XKR4: variants seen among roughly 807,000 people sequenced by gnomAD.
XKR4 encodes the protein XK-related protein 4.
Under a neutral mutation model 53.9 loss-of-function variants are expected in XKR4, and 12 were observed. The ratio of observed to expected loss-of-function variants is 0.22; its 90% CI spans 0.14 to 0.36. The LOEUF (loss-of-function observed/expected upper bound fraction) is 0.36. XKR4 is among the 10% of genes least tolerant of loss of function. The probability of loss-of-function intolerance (pLI) is 1.00; values close to 1 mark genes in which losing one functional copy is unlikely to be tolerated. For missense variants in XKR4, 799 were observed against 859.5 expected, an observed-to-expected ratio of 0.93 and a Z score of 0.88; for synonymous variants, 354 against 362.4, an observed-to-expected ratio of 0.98 and a Z score of 0.26.
intron 1 of XKR4, among the ~76,000 whole-genome samples, chr8:55,216,597 C>T (rs1442884563): frequency 6.6e-6 from 1 of 151,872 alleles, no homozygotes; most frequent in Non-Finnish European, 1.5e-5. Flanking sequence ...TGTGGTGGCA[C>T]ATGCCTGTAA....
At chr8:55,216,553 C>T (rs946962796) in intron 1 of XKR4, among the ~76,000 whole-genome samples, 1 of 151,914 alleles carries the variant, frequency 6.6e-6, no homozygotes. Flanking sequence ...CATGGAGAAA[C>T]CCCATCTCTA....
Position 55,102,737 on chromosome 8 carries a change from C to T in XKR4, c.249C>T (p.Val83=). Residue 83 remains valine, a synonymous_variant, in exon 1 of 3, where the codon GTC becomes GTT. Coordinates refer to ENST00000327381, the MANE Select transcript of XKR4 (RefSeq NM_052898.2). The surrounding 1 kb of genome is among the most constrained non-coding windows in gnomAD (Gnocchi z 5.1). ...GSAGSGGSGG[V]AGPGGGGAGS... Reference sequence around the variant, plus strand: ...CGGGCTCGGGCGGCTCCGGCGGCGTCGCCGGCCCGGGCGGCGGCGGGGCGG... The same window carrying T: ...CGGGCTCGGGCGGCTCCGGCGGCGTTGCCGGCCCGGGCGGCGGCGGGGCGG... 1 of 1,192,854 alleles carries T rather than the reference C, an allele frequency of 8.4e-7. No individual in the cohort carries two copies. Among genetic ancestry groups the T allele is most frequent in the East Asian group, 3.5e-5 (1 of 28,338 alleles). The allele number at this position is 1,192,854 out of a possible 1,614,324, so 73.9% of individuals were successfully genotyped here. A position where few individuals can be genotyped will look rare whatever the true frequency, so the allele number is the denominator to read the frequency against.
At chr8:55,263,460 TGGTAAGTA>T (rs978474283) in intron 1 of XKR4, among the ~76,000 whole-genome samples, 2 of 152,200 alleles carry the variant, frequency 1.3e-5, no homozygotes, top group Admixed American at 1.3e-4. Context: ...CAGCCAGATC[TGGTAAGTA>T]GGTATGCTCT....
At chr8:55,350,843 G>A (rs112786241) in intron 1 of XKR4, among the ~76,000 whole-genome samples, 19,170 of 149,800 alleles carry the variant, frequency 0.13, 1,535 homozygotes, top group Non-Finnish European at 0.19. Context: ...AGGTTCAAGT[G>A]ATTCTCCTGC....
rs1330220952 is a variant in XKR4 at position 55,524,277 on chromosome 8, A to C, written c.*50A>C. ...AACATCCAGATGAAGGGGTGACAGC[A>C]GGGCTGTGGCCATAATGACACTTCA... On this transcript the variant is annotated 3_prime_UTR_variant, in exon 3 of 3. Coordinates refer to ENST00000327381, the MANE Select transcript of XKR4 (RefSeq NM_052898.2). 6.5e-7 allele frequency: 1 copy of C among 1,540,672 alleles called. No homozygotes were observed. The highest frequency in any genetic ancestry group is 8.8e-7 in the Non-Finnish European group (1 of 1,131,668).
intron 1 of XKR4, among the ~76,000 whole-genome samples, chr8:55,129,224 G>A (rs62516974): frequency 0.011 from 1,702 of 152,240 alleles, 19 homozygotes; most frequent in Non-Finnish European, 0.017. Context: ...TTACAAGGCT[G>A]GTTACCCATA....
In XKR4 at chr8:55,480,240, T is replaced by G. The variant is rs188184657; in HGVS notation, c.1007-43041T>G. Among the ~76,000 whole-genome samples, 849 of 152,248 alleles carry G rather than the reference T, an allele frequency of 5.6e-3. 5 individuals carry two copies. Among genetic ancestry groups the G allele is most frequent in the African/African-American group, 0.019 (784 of 41,548 alleles). ...GCTTCATCCCTGGGATGCAAGGCTG[T>G]TTCAACATACGCAAATCAATAAATG... On this transcript the variant is annotated intron_variant, in intron 2 of 2. Transcript: ENST00000327381.
intron 2 of XKR4, among the ~76,000 whole-genome samples, chr8:55,474,382 T>A (rs375759321): frequency 6.6e-6 from 1 of 152,090 alleles, no homozygotes; most frequent in East Asian, 1.9e-4. Flanking sequence ...CTATAGAGAG[T>A]TAAAAATCAG....
chr8:55,126,447 C>T (rs1052895016), intron 1 of XKR4, among the ~76,000 whole-genome samples: 1 of 152,220 alleles, frequency 6.6e-6, no homozygotes, highest in African/African-American at 2.4e-5. Flanking sequence ...CTTGGTTCTG[C>T]AATCCCTCCA....
intron 1 of XKR4, among the ~76,000 whole-genome samples, chr8:55,300,329 T>A (rs1318234629): frequency 6.6e-6 from 1 of 152,006 alleles, no homozygotes; most frequent in East Asian, 1.9e-4. Context: ...TGAATCTGAG[T>A]GAAAATGAAG....
rs149154501 is a variant in XKR4, at chr8:55,442,829, G to C, written c.1007-80452G>C. On this transcript the variant is annotated intron_variant, in intron 2 of 2. Transcript: ENST00000327381. ...TGCAATGGGCTAGAGAGAAAGAGGC[G>C]TGGGGAGTGACTGCTAATAGAAATG... 1.8e-3 allele frequency among the ~76,000 whole-genome samples: 273 copies of C among 152,308 alleles called. 1 individual carries two copies. Among genetic ancestry groups the C allele is most frequent in the African/African-American group, 6.4e-3 (264 of 41,572 alleles).
chr8:55,247,986 A>T (rs769695280), intron 1 of XKR4, among the ~76,000 whole-genome samples: 20 of 148,986 alleles, frequency 1.3e-4, no homozygotes, highest in Non-Finnish European at 2.8e-4. Context: ...CTCCTAAGTA[A>T]CTGGGACTAC....
chr8:55,150,903 A>G (rs891847213), intron 1 of XKR4, among the ~76,000 whole-genome samples: 2 of 152,222 alleles, frequency 1.3e-5, no homozygotes, highest in Admixed American at 6.5e-5. Context: ...ACATTTGTCT[A>G]CATTTATGTC....
rs191720961 is a variant in XKR4 at position 55,409,286 on chromosome 8, T to A, written c.1006+51409T>A. 1.2e-3 allele frequency among the ~76,000 whole-genome samples: 183 copies of A among 152,336 alleles called. 2 individuals carry two copies. The highest frequency in any genetic ancestry group is 4.2e-3 in the African/African-American group (174 of 41,574). On this transcript the variant is annotated intron_variant, in intron 2 of 2. Transcript: ENST00000327381. ...TAGAGTTTCTTAAATCCCTCCCCTC[T>A]AAGGCACATTTCACCTGAGCGAGTG...
At chr8:55,245,912 T>C (rs1352446079) in intron 1 of XKR4, among the ~76,000 whole-genome samples, 2 of 152,236 alleles carry the variant, frequency 1.3e-5, no homozygotes, top group South Asian at 2.1e-4. Flanking sequence ...TTGGGCAACA[T>C]GGCAAAACCC....
intron 2 of XKR4, among the ~76,000 whole-genome samples, chr8:55,390,281 A>G (rs1178304064): frequency 6.6e-6 from 1 of 152,216 alleles, no homozygotes; most frequent in African/African-American, 2.4e-5. Flanking sequence ...TAATGGTATC[A>G]TTTGCCAATT....
At chr8:55,127,847 T>TG (rs1398429195) in intron 1 of XKR4, among the ~76,000 whole-genome samples, 1 of 151,774 alleles carries the variant, frequency 6.6e-6, no homozygotes, top group African/African-American at 2.4e-5. Context: ...TTTCTGTCCT[T>TG]GCGATAGTTT....
At chr8:55,436,857 G>C (rs1805184434) in intron 2 of XKR4, among the ~76,000 whole-genome samples, 1 of 152,110 alleles carries the variant, frequency 6.6e-6, no homozygotes, top group Non-Finnish European at 1.5e-5. Flanking sequence ...TATCACAGAG[G>C]GCCCGGTAGC....
intron 1 of XKR4, among the ~76,000 whole-genome samples, chr8:55,282,837 C>G (rs971860458): frequency 1.3e-5 from 2 of 152,230 alleles, no homozygotes; most frequent in African/African-American, 4.8e-5. Context: ...CACTCACTGA[C>G]TCTTCCAGAG....
Sources: allele counts gnomAD v4.1 joint callset (sites outside exome capture counted in the v4.1 genomes callset), GRCh38; gene constraint gnomAD v4.1.1; non-coding constraint Gnocchi (gnomAD v3.1); transcripts MANE v1.5; gene names NCBI Gene and HGNC (gene_info 2026-07-23, HGNC 2026-07-21).